SNX30: variants seen among roughly 807,000 people sequenced by gnomAD.
SNX30 encodes the protein sorting nexin-30.
In SNX30, 24 loss-of-function variants were observed where a neutral mutation model predicts 46.4. That is an observed-to-expected ratio of 0.52 (90% CI 0.37 to 0.73). The LOEUF (loss-of-function observed/expected upper bound fraction) is 0.73, where lower values mean the gene tolerates loss of function less well. Ranked by LOEUF, SNX30 falls within the 30% of genes least tolerant of loss-of-function variation. The probability of loss-of-function intolerance (pLI) is 0.00; values close to 1 mark genes in which losing one functional copy is unlikely to be tolerated. For missense variants in SNX30, 533 were observed against 555.7 expected (o/e 0.96, Z 0.41); for synonymous variants, 189 against 211.5 (o/e 0.89, Z 0.92).
intron 6 of SNX30, among the ~76,000 whole-genome samples, chr9:112,845,014 T>C (rs559045584): frequency 6.6e-6 from 1 of 152,310 alleles, no homozygotes; most frequent in South Asian, 2.1e-4. Flanking sequence ...AAAGAGATTA[T>C]ACAGAGTGGC....
chr9:112,860,548 A>C, intron 7 of SNX30, among the ~76,000 whole-genome samples: 1 of 152,126 alleles, frequency 6.6e-6, no homozygotes, highest in East Asian at 1.9e-4. Context: ...CCAGTTGCCA[A>C]ATCTGTCAGT....
rs41308914 is a variant in SNX30, at chr9:112,871,875, G to A, written c.*3032G>A. On this transcript the variant is annotated 3_prime_UTR_variant, in exon 9 of 9. Coordinates refer to ENST00000374232, the MANE Select transcript of SNX30 (RefSeq NM_001012994.2). ...GTTCTGCTCAGAGCGAGGAACCACT[G>A]CTCCTCAATGGGGAGGGAACATACC... is the stretch of plus-strand genomic sequence containing the variant. The A allele has an allele frequency of 9.2e-5, 14 of 152,332 alleles. No homozygotes were observed. The highest frequency in any genetic ancestry group is 1.5e-4 in the Non-Finnish European group (10 of 68,044). The allele number at this position is 152,332 out of a possible 1,614,324, so 9.4% of individuals were successfully genotyped here.
At chr9:112,875,973 G>T (rs1390156702), downstream of SNX30, 7 of 152,138 alleles carry the variant, frequency 4.6e-5, no homozygotes, top group African/African-American at 1.7e-4. Flanking sequence ...TTTTCGCAGA[G>T]ACGGGGTTTT....
rs746370576 is a variant in SNX30 at position 112,838,707 on chromosome 9, C to T, written c.1014+10C>T. ...CTCTGACTCCATGAAGGTAAGCTGGCTTGCTTCTTGTGTATTTGCATACTT... is the reference window on the plus strand; with the variant it reads ...CTCTGACTCCATGAAGGTAAGCTGGTTTGCTTCTTGTGTATTTGCATACTT... On this transcript the variant is annotated intron_variant, in intron 6 of 8. Transcript: ENST00000374232. 6.2e-6 allele frequency: 10 copies of T among 1,612,150 alleles called. No homozygotes were observed. Among genetic ancestry groups the T allele is most frequent in the Admixed American group, 5.0e-5 (3 of 59,916 alleles).
chr9:112,780,608 C>A (rs1488730660), intron 1 of SNX30, among the ~76,000 whole-genome samples: 1 of 152,148 alleles, frequency 6.6e-6, no homozygotes, highest in Non-Finnish European at 1.5e-5. Flanking sequence ...GGGCTCCTCC[C>A]TTGGTGTGGT....
chr9:112,792,117 T>C (rs1162028232), intron 1 of SNX30, among the ~76,000 whole-genome samples: 2 of 152,240 alleles, frequency 1.3e-5, no homozygotes, highest in Non-Finnish European at 2.9e-5. Context: ...AATTATGTCT[T>C]AGAATATTTG....
intron 3 of SNX30, among the ~76,000 whole-genome samples, chr9:112,818,171 A>G (rs1220133124): frequency 1.3e-5 from 2 of 151,912 alleles, no homozygotes; most frequent in East Asian, 3.9e-4. Flanking sequence ...TTTTTAAAAA[A>G]CAGAACCAGA....
chr9:112,782,301 G>A (rs1839858448), intron 1 of SNX30, among the ~76,000 whole-genome samples: 1 of 152,130 alleles, frequency 6.6e-6, no homozygotes, highest in Admixed American at 6.5e-5. Context: ...CCTGACCTCA[G>A]GTGGTCCGCC....
intron 3 of SNX30, among the ~76,000 whole-genome samples, chr9:112,822,123 AG>A (rs1840507996): frequency 6.6e-6 from 1 of 151,852 alleles, no homozygotes; most frequent in Non-Finnish European, 1.5e-5. Context: ...TATGTTGCCC[AG>A]GCTGGTCTCA....
At chr9:112,779,870 C>T (rs761153539) in intron 1 of SNX30, among the ~76,000 whole-genome samples, 3 of 152,060 alleles carry the variant, frequency 2.0e-5, no homozygotes, top group Admixed American at 6.5e-5. Context: ...TTACACGTGA[C>T]GAAATGGGAG....
At chr9:112,841,292 T>C (rs748125138) in intron 6 of SNX30, among the ~76,000 whole-genome samples, 5 of 152,226 alleles carry the variant, frequency 3.3e-5, no homozygotes. Context: ...AAAAATGTCA[T>C]ATAGCAAGGA....
chr9:112,832,820 T>TTAATATATAATAAATATATTAATATA (rs1564284887), intron 4 of SNX30, among the ~76,000 whole-genome samples: 5 of 146,168 alleles, frequency 3.4e-5, no homozygotes, highest in African/African-American at 1.0e-4. Context: ...ATATTATATA[T>TTAATATATAATAAATATATTAATATA]TAATATATAA....
rs373261340 is a variant in SNX30, at chr9:112,840,596, G to A, written c.1014+1899G>A. 7.3e-3 allele frequency among the ~76,000 whole-genome samples: 1,098 copies of A among 150,170 alleles called. 14 individuals carry two copies. Among genetic ancestry groups the A allele is most frequent in the South Asian group, 0.024 (112 of 4,742 alleles). ...TGCCTCCTGGGTTCAAGTGATTCTCGTGCCTCAGCCTCCCGAGTAGCTGGG... is the reference window on the plus strand; with the variant it reads ...TGCCTCCTGGGTTCAAGTGATTCTCATGCCTCAGCCTCCCGAGTAGCTGGG... On this transcript the variant is annotated intron_variant, in intron 6 of 8. Coordinates refer to ENST00000374232, the MANE Select transcript of SNX30 (RefSeq NM_001012994.2).
chr9:112,834,221 C>T (rs1399080930), intron 4 of SNX30, among the ~76,000 whole-genome samples: 1 of 152,072 alleles, frequency 6.6e-6, no homozygotes, highest in Non-Finnish European at 1.5e-5. Context: ...GCTGGATGTC[C>T]ACCAGTTTAA....
intron 1 of SNX30, among the ~76,000 whole-genome samples, chr9:112,773,912 A>G (rs899228458): frequency 6.6e-6 from 1 of 152,240 alleles, no homozygotes; most frequent in African/African-American, 2.4e-5. Flanking sequence ...ATTTTGTTTC[A>G]ATAAGTAAAT....
chr9:112,835,889 A>G (rs1172797327), intron 4 of SNX30, among the ~76,000 whole-genome samples: 1 of 152,124 alleles, frequency 6.6e-6, no homozygotes, highest in Non-Finnish European at 1.5e-5. Flanking sequence ...GGTACTTTGT[A>G]TGGGAGAAAC....
Position 112,836,234 on chromosome 9 carries a change from G to A in SNX30, c.639G>A (p.Lys213=). The A allele has an allele frequency of 1.3e-6, 2 of 1,599,268 alleles. No individual in the cohort carries two copies. Among genetic ancestry groups the A allele is most frequent in the Non-Finnish European group, 1.7e-6 (2 of 1,167,400 alleles). ...CTCAGGACCTGAACGCCTACAAGAA[G>A]CAAGGGATAGCATTGCTGACCAGAA... ...LTAKDLNAYK[K]QGIALLTRMG... Residue 213 remains lysine, a synonymous_variant, in exon 5 of 9, where the codon AAG becomes AAA. Coordinates refer to ENST00000374232, the MANE Select transcript of SNX30 (RefSeq NM_001012994.2).
intron 4 of SNX30, among the ~76,000 whole-genome samples, chr9:112,833,070 T>A (rs1302102803): frequency 1.3e-5 from 2 of 152,064 alleles, no homozygotes; most frequent in Non-Finnish European, 2.9e-5. Flanking sequence ...TAACATTTAC[T>A]ATCCTAACAA....
chr9:112,808,388 A>G (rs1027814522), intron 2 of SNX30, among the ~76,000 whole-genome samples: 5 of 152,222 alleles, frequency 3.3e-5, no homozygotes, highest in Non-Finnish European at 7.3e-5. Context: ...AATGTAGGCA[A>G]AGAATTATCC....
Sources: gnomAD v4.1 joint callset for allele counts (sites outside exome capture counted in the v4.1 genomes callset) on GRCh38, gnomAD v4.1.1 for gene constraint, MANE v1.5 for transcripts, NCBI Gene and HGNC (gene_info 2026-07-23, HGNC 2026-07-21) for gene names.